Variants in ANO2 observed in about 807,000 individuals in gnomAD.
ANO2 encodes the protein anoctamin-2.
Under a neutral mutation model 124.2 loss-of-function variants are expected in ANO2, and 101 were observed. The observed-to-expected ratio is 0.81, with a 90% confidence interval of 0.69 to 0.96. The LOEUF (loss-of-function observed/expected upper bound fraction) is 0.96, where lower values mean the gene tolerates loss of function less well. Among genes scored for constraint, ANO2 ranks in the 40% least tolerant of loss-of-function variants. The probability of loss-of-function intolerance (pLI) is 0.00; values close to 1 mark genes in which losing one functional copy is unlikely to be tolerated. For synonymous variants in ANO2, 486 were observed against 482.5 expected (o/e 1.01, Z -0.09); for missense variants, 1,293 against 1,274.5 (o/e 1.01, Z -0.22).
intron 7 of ANO2, among the ~76,000 whole-genome samples, chr12:5,820,089 A>G (rs976451765): frequency 6.6e-6 from 1 of 152,212 alleles, no homozygotes; most frequent in Non-Finnish European, 1.5e-5. Context: ...ACAGAGAATC[A>G]TGGCCCATCA....
chr12:5,873,705 C>T (rs1201441671), intron 3 of ANO2, among the ~76,000 whole-genome samples: 5 of 152,220 alleles, frequency 3.3e-5, no homozygotes, highest in South Asian at 2.1e-4. Context: ...CATGGCACCC[C>T]GACTGAATCC....
chr12:5,839,627 G>A (rs1022896966), intron 4 of ANO2: 4 of 455,866 alleles, frequency 8.8e-6, no homozygotes, highest in Non-Finnish European at 1.8e-5. Context: ...CCTGAGCTTG[G>A]TGGTTGATTG....
Position 5,565,612 on chromosome 12 carries a change from C to T in ANO2, c.2673G>A (p.Ser891=), listed in dbSNP as rs1179397959. Residue 891 remains serine, a synonymous_variant, in exon 24 of 25, where the codon TCG becomes TCA. Coordinates refer to ENST00000682330, the MANE Select transcript of ANO2 (RefSeq NM_001364791.2). ...CGGACAGAATAAACCAGTACTGTTT[C>T]GAAAACTCATAAGGGTTCGGGGCCC... ...PPWAPNPYEF[S]KQYWFILSAR... is the part of the protein sequence containing the mutation. The T allele has an allele frequency of 3.7e-6, 6 of 1,606,074 alleles. No individual in the cohort carries two copies. The highest frequency in any genetic ancestry group is 1.7e-5 in the Admixed American group (1 of 59,044).
At chr12:5,808,845 A>G (rs1394908113) in intron 7 of ANO2, among the ~76,000 whole-genome samples, 1 of 152,112 alleles carries the variant, frequency 6.6e-6, no homozygotes, top group Non-Finnish European at 1.5e-5. Flanking sequence ...TCTCCCCTCC[A>G]TCAGCCTCCT....
chr12:5,869,238 C>A (rs1955509166), intron 3 of ANO2, among the ~76,000 whole-genome samples: 1 of 152,150 alleles, frequency 6.6e-6, no homozygotes. Flanking sequence ...GCACCTCCTC[C>A]AAGAAGCCTT....
At chr12:5,738,415 A>G (rs1236193256) in intron 13 of ANO2, among the ~76,000 whole-genome samples, 1 of 152,204 alleles carries the variant, frequency 6.6e-6, no homozygotes, top group East Asian at 1.9e-4. Context: ...AAGTGGACTC[A>G]GGCAACTGAA....
chr12:5,772,752 G>A (rs1164667355), intron 10 of ANO2, among the ~76,000 whole-genome samples: 2 of 152,212 alleles, frequency 1.3e-5, no homozygotes, highest in African/African-American at 4.8e-5. Context: ...CTGTATGCAA[G>A]TGAACTTTAC....
chr12:5,817,789 G>A (rs562884613), intron 7 of ANO2, among the ~76,000 whole-genome samples: 5 of 152,212 alleles, frequency 3.3e-5, no homozygotes, highest in African/African-American at 1.2e-4. Context: ...ATGCAGGGCT[G>A]CAATTGGTGA....
At chr12:5,857,780 A>G (rs1245109916) in intron 3 of ANO2, among the ~76,000 whole-genome samples, 1 of 132,770 alleles carries the variant, frequency 7.5e-6, no homozygotes, top group Non-Finnish European at 1.6e-5. Context: ...TGTGATAGAT[A>G]GATAGATAGA....
At chr12:5,704,647 G>A (rs556228588) in intron 14 of ANO2, among the ~76,000 whole-genome samples, 2 of 152,014 alleles carry the variant, frequency 1.3e-5, no homozygotes, top group African/African-American at 4.8e-5. Context: ...TCTGCCCTTG[G>A]AAGTCCCCAC....
intron 3 of ANO2, among the ~76,000 whole-genome samples, chr12:5,873,854 C>A (rs1937909303): frequency 6.6e-6 from 1 of 152,208 alleles, no homozygotes; most frequent in Admixed American, 6.5e-5. Context: ...AGCTGCAAAG[C>A]CCCTCCAGGG....
chr12:5,685,567 T>TGAGCCCAGGAGTTTAAGAC (rs1349730339), intron 14 of ANO2, among the ~76,000 whole-genome samples: 1 of 152,188 alleles, frequency 6.6e-6, no homozygotes, highest in East Asian at 1.9e-4. Context: ...GTAGATCAGT[T>TGAGCCCAGGAGTTTAAGAC]GAGCCCAGGA....
chr12:5,890,622 G>T (rs375845095), intron 3 of ANO2, among the ~76,000 whole-genome samples: 1 of 152,180 alleles, frequency 6.6e-6, no homozygotes, highest in African/African-American at 2.4e-5. Flanking sequence ...AGTTTACAGC[G>T]CAAGTCAGTG....
chr12:5,930,835 G>A (rs1055703178), intron 1 of ANO2, among the ~76,000 whole-genome samples: 4 of 152,106 alleles, frequency 2.6e-5, no homozygotes, highest in Non-Finnish European at 5.9e-5. Flanking sequence ...ACAGTAACAG[G>A]ACTGCTCTCC....
At chr12:5,660,306 C>T (rs1947373515) in intron 14 of ANO2, among the ~76,000 whole-genome samples, 1 of 151,348 alleles carries the variant, frequency 6.6e-6, no homozygotes, top group South Asian at 2.1e-4. Flanking sequence ...ACATCTAAAC[C>T]CTGTGCTGTG....
At chr12:5,888,615 A>G (rs1482021846) in intron 3 of ANO2, among the ~76,000 whole-genome samples, 1 of 152,158 alleles carries the variant, frequency 6.6e-6, no homozygotes, top group Non-Finnish European at 1.5e-5. Flanking sequence ...CTAGACACAG[A>G]GTGTGGACAC....
chr12:5,690,978 C>G (rs1412717091), intron 14 of ANO2, among the ~76,000 whole-genome samples: 1 of 152,214 alleles, frequency 6.6e-6, no homozygotes, highest in Non-Finnish European at 1.5e-5. Context: ...ACAAGTCCAA[C>G]AGAGCCCCCA....
intron 16 of ANO2, among the ~76,000 whole-genome samples, chr12:5,617,089 A>C (rs1944854006): frequency 6.6e-6 from 1 of 151,938 alleles, no homozygotes; most frequent in Non-Finnish European, 1.5e-5. Flanking sequence ...CGCACTCTCC[A>C]GATCACACTG....
chr12:5,742,173 C>T (rs1367013853), intron 12 of ANO2, among the ~76,000 whole-genome samples: 1 of 152,174 alleles, frequency 6.6e-6, no homozygotes, highest in Non-Finnish European at 1.5e-5. Context: ...TCTCTATGTA[C>T]AGCCATTTCT....
Sources: allele counts gnomAD v4.1 joint callset (sites outside exome capture counted in the v4.1 genomes callset), GRCh38; gene constraint gnomAD v4.1.1; transcripts MANE v1.5; gene names NCBI Gene and HGNC (gene_info 2026-07-23, HGNC 2026-07-21).